The following ANKRD31 variants were observed in gnomAD, a reference collection of about 807,000 sequenced individuals.
ANKRD31 encodes ankyrin repeat domain 31, also known as ankyrin repeat domain-containing protein 31.
ANKRD31 carries 147 observed loss-of-function variants against 186.0 expected under a neutral mutation model. That is an observed-to-expected ratio of 0.79 (90% CI 0.69 to 0.91). The LOEUF (loss-of-function observed/expected upper bound fraction) is 0.91, where lower values mean the gene tolerates loss of function less well. Among genes scored for constraint, ANKRD31 ranks in the 40% least tolerant of loss-of-function variants. ANKRD31 has a pLI of 0.00. For synonymous variants in ANKRD31, 673 were observed against 736.4 expected (o/e 0.91, Z 1.39); for missense variants, 1,986 against 2,148.8 (o/e 0.92, Z 1.50).
chr5:75,179,152 T>A (rs1046567858), intron 10 of ANKRD31, among the ~76,000 whole-genome samples: 53 of 152,232 alleles, frequency 3.5e-4, no homozygotes, highest in African/African-American at 1.2e-3. Context: ...GATAAATTCC[T>A]CGACACATAC....
chr5:75,161,187 G>C (rs1033952178), intron 11 of ANKRD31, among the ~76,000 whole-genome samples: 6 of 152,178 alleles, frequency 3.9e-5, no homozygotes, highest in African/African-American at 1.4e-4. Context: ...ACTCCCTAGA[G>C]ACTTGTTGAA....
intron 22 of ANKRD31, among the ~76,000 whole-genome samples, chr5:75,100,705 G>A (rs1223273839): frequency 1.3e-5 from 2 of 152,058 alleles, no homozygotes; most frequent in African/African-American, 2.4e-5. Context: ...TTTGATCTTT[G>A]TTGGTTTAAA....
At chr5:75,123,643 A>G (rs1748971200) in intron 17 of ANKRD31, among the ~76,000 whole-genome samples, 1 of 152,162 alleles carries the variant, frequency 6.6e-6, no homozygotes, top group Non-Finnish European at 1.5e-5. Context: ...AAATAAAGCC[A>G]CATATCTATA....
chr5:75,203,271 C>T (rs1355069680), intron 5 of ANKRD31, among the ~76,000 whole-genome samples: 4 of 152,108 alleles, frequency 2.6e-5, no homozygotes, highest in African/African-American at 9.7e-5. Context: ...GACTATAGGA[C>T]ATAGTGGAAC....
In ANKRD31 at chr5:75,118,150, C is replaced by A; in HGVS notation, c.4024G>T (p.Asp1342Tyr). The A allele has an allele frequency of 6.8e-7, 1 of 1,479,652 alleles. No homozygotes were observed. The highest frequency in any genetic ancestry group is 8.9e-7 in the Non-Finnish European group (1 of 1,126,346). The allele number at this position is 1,479,652 out of a possible 1,614,324, so 91.7% of individuals were successfully genotyped here. Reference sequence around the variant, plus strand: ...ATATACATACCATTGACTATAGCATCACTCTCATCTCTATTAACAGTCTCA... The same window carrying A: ...ATATACATACCATTGACTATAGCATAACTCTCATCTCTATTAACAGTCTCA... ...AIETVNRDES[D>Y]AIVNEKIPAV... Residue 1342 changes from aspartate (D) to tyrosine (Y), a missense_variant, in exon 18 of 26, where the codon GAT becomes TAT. Coordinates refer to ENST00000506364, the MANE Select transcript of ANKRD31 (RefSeq NM_001372053.1).
chr5:75,222,245 A>T lies in ANKRD31; in HGVS notation c.288+4T>A, dbSNP rs1379451854. 6.6e-7 allele frequency: 1 copy of T among 1,525,540 alleles called. No individual in the cohort carries two copies. Among genetic ancestry groups the T allele is most frequent in the South Asian group, 1.2e-5 (1 of 83,108 alleles). 94.5% of individuals were successfully genotyped at this position (1,525,540 alleles called of 1,614,324 possible). On this transcript the variant is annotated splice_donor_region_variant and intron_variant, in intron 3 of 25. Transcript: ENST00000506364. ...AGTATGTATTCAATCAACATGCTACACACCTGTAATATTGTATCCTCGCTA... is the reference window on the plus strand; with the variant it reads ...AGTATGTATTCAATCAACATGCTACTCACCTGTAATATTGTATCCTCGCTA...
intron 23 of ANKRD31, among the ~76,000 whole-genome samples, chr5:75,090,324 G>A (rs1054341872): frequency 1.3e-5 from 2 of 152,216 alleles, no homozygotes; most frequent in African/African-American, 4.8e-5. Context: ...GCTGATGTAA[G>A]TGAAGGAACT....
chr5:75,079,741 G>A (rs555514181), intron 25 of ANKRD31, among the ~76,000 whole-genome samples: 78 of 152,302 alleles, frequency 5.1e-4, no homozygotes, highest in African/African-American at 1.9e-3. Context: ...CTCCCAAAGT[G>A]CTGGGATTAC....
chr5:75,212,527 G>A (rs1319919725), intron 3 of ANKRD31, among the ~76,000 whole-genome samples: 1 of 152,172 alleles, frequency 6.6e-6, no homozygotes, highest in Non-Finnish European at 1.5e-5. Context: ...AACTACCTAG[G>A]AGGCTGAGGT....
intron 3 of ANKRD31, among the ~76,000 whole-genome samples, chr5:75,221,036 A>T (rs1309469118): frequency 6.6e-6 from 1 of 152,192 alleles, no homozygotes; most frequent in Admixed American, 6.5e-5. Flanking sequence ...CATGGATGGA[A>T]CTGGAGGCCA....
At chr5:75,138,404 G>T (rs1750764522) in intron 16 of ANKRD31, among the ~76,000 whole-genome samples, 1 of 152,128 alleles carries the variant, frequency 6.6e-6, no homozygotes, top group South Asian at 2.1e-4. Flanking sequence ...GAATTCTTCA[G>T]AGAAGATTCT....
At chr5:75,121,366 C>T (rs1264382729) in intron 17 of ANKRD31, among the ~76,000 whole-genome samples, 1 of 152,106 alleles carries the variant, frequency 6.6e-6, no homozygotes, top group Non-Finnish European at 1.5e-5. Context: ...TACTGGGGCA[C>T]TTGAACATCC....
intron 17 of ANKRD31, among the ~76,000 whole-genome samples, chr5:75,119,311 A>C (rs560612672): frequency 1.3e-3 from 194 of 152,138 alleles, no homozygotes; most frequent in Admixed American, 2.6e-3. Flanking sequence ...GATCATGTGT[A>C]CCCAATGTTT....
chr5:75,162,183 G>T (rs769151459), intron 11 of ANKRD31, among the ~76,000 whole-genome samples: 5 of 152,202 alleles, frequency 3.3e-5, no homozygotes, highest in Non-Finnish European at 7.3e-5. Flanking sequence ...CATGAAGGCA[G>T]CCAGGACAGA....
chr5:75,147,541 C>T, intron 13 of ANKRD31, 36 bp from the exon 14 acceptor site: 1 of 1,275,492 alleles, frequency 7.8e-7, no homozygotes, highest in East Asian at 2.6e-5. Context: ...CTTTAATTTT[C>T]AGCGGTAGTA....
chr5:75,077,841 C>T (rs374170473), intron 25 of ANKRD31, among the ~76,000 whole-genome samples: 8 of 146,722 alleles, frequency 5.5e-5, no homozygotes, highest in African/African-American at 2.0e-4. Context: ...AGGAGAGTGG[C>T]ATGAACCCGG....
intron 17 of ANKRD31, among the ~76,000 whole-genome samples, chr5:75,135,354 C>CA (rs1190930237): frequency 6.6e-6 from 1 of 152,148 alleles, no homozygotes; most frequent in Non-Finnish European, 1.5e-5. Context: ...AAATCACAGG[C>CA]ATTCCTATAC....
intron 25 of ANKRD31, among the ~76,000 whole-genome samples, chr5:75,070,103 AC>A (rs1402937863): frequency 6.6e-6 from 1 of 152,144 alleles, no homozygotes; most frequent in East Asian, 1.9e-4. Flanking sequence ...TTAAATCATC[AC>A]TTATAATCCA....
At chr5:75,138,417 T>C (rs1750767278) in intron 16 of ANKRD31, among the ~76,000 whole-genome samples, 1 of 152,190 alleles carries the variant, frequency 6.6e-6, no homozygotes, top group African/African-American at 2.4e-5. Flanking sequence ...AAGATTCTTT[T>C]GTGCTTAAGC....
Sources: gnomAD v4.1 joint callset for allele counts (sites outside exome capture counted in the v4.1 genomes callset) on GRCh38, gnomAD v4.1.1 for gene constraint, MANE v1.5 for transcripts, NCBI Gene and HGNC (gene_info 2026-07-23, HGNC 2026-07-21) for gene names.